The following PEPD variants were observed in gnomAD, a reference collection of about 807,000 sequenced individuals.
The protein encoded by PEPD is xaa-Pro dipeptidase.
A neutral mutation model predicts 60.7 loss-of-function variants in PEPD; 53 were observed. The ratio of observed to expected loss-of-function variants is 0.87; its 90% confidence interval spans 0.70 to 1.10. The LOEUF (loss-of-function observed/expected upper bound fraction) is 1.10. Among genes scored for constraint, PEPD ranks in the 50% least tolerant of loss-of-function variants. The probability of loss-of-function intolerance (pLI) is 0.00; values close to 1 mark genes in which losing one functional copy is unlikely to be tolerated. For missense variants in PEPD, 711 were observed against 711.9 expected (o/e 1.00, Z 0.01); for synonymous variants, 267 against 284.1 (o/e 0.94, Z 0.60).
At chr19:33,396,085 C>T (rs1968352277) in intron 12 of PEPD, 1 of 152,462 alleles carries the variant, frequency 6.6e-6, no homozygotes, top group Non-Finnish European at 1.5e-5. Context: ...AAGGAACTGG[C>T]TCACCATTGC....
chr19:33,496,214 C>A (rs956633949), intron 4 of PEPD, among the ~76,000 whole-genome samples: 5 of 152,100 alleles, frequency 3.3e-5, no homozygotes, highest in African/African-American at 1.2e-4. Flanking sequence ...TATCTGCTAT[C>A]GTCTTGGGAG....
At chr19:33,436,223 AGAGGGAGAG>A (rs1378830561) in intron 9 of PEPD, among the ~76,000 whole-genome samples, 1 of 151,362 alleles carries the variant, frequency 6.6e-6, no homozygotes, top group African/African-American at 2.4e-5. Flanking sequence ...AGGGAGAGGG[AGAGGGAGAG>A]GAGGGAGAGA....
rs577733369 is a variant in PEPD, at chr19:33,391,403, G to A, written c.1044C>T (p.Ser348=). Residue 348 remains serine, a synonymous_variant, in exon 13 of 15, where the codon AGC becomes AGT. Transcript: ENST00000244137. ...LEELAHMGIL[S]GSVDAMVQAH... is the part of the protein sequence containing the mutation. Reference sequence around the variant, plus strand: ...CCTGGACCATGGCGTCCACGCTGCCGCTCAGGATGCCCATGTGGGCCAGCT... The same window carrying A: ...CCTGGACCATGGCGTCCACGCTGCCACTCAGGATGCCCATGTGGGCCAGCT... The A allele has an allele frequency of 2.8e-5, 45 of 1,584,188 alleles. No homozygotes were observed. The East Asian group carries it at 7.6e-4, about 27-fold the overall frequency.
intron 7 of PEPD, among the ~76,000 whole-genome samples, chr19:33,467,664 G>A (rs1469053194): frequency 3.9e-5 from 6 of 152,162 alleles, no homozygotes; most frequent in Non-Finnish European, 5.9e-5. Flanking sequence ...ATGGGTGGAG[G>A]TGACAGAAAT....
chr19:33,500,312 C>T (rs1339986283), intron 4 of PEPD, among the ~76,000 whole-genome samples: 1 of 152,226 alleles, frequency 6.6e-6, no homozygotes, highest in Non-Finnish European at 1.5e-5. Context: ...CAGCTGTGCT[C>T]TCGCCTCTGT....
intron 6 of PEPD, among the ~76,000 whole-genome samples, chr19:33,480,213 G>C (rs1210870371): frequency 6.6e-6 from 1 of 152,162 alleles, no homozygotes; most frequent in Non-Finnish European, 1.5e-5. Flanking sequence ...GAAACGATAT[G>C]CTACACAAAC....
At chr19:33,413,429 C>T (rs1227203716) in intron 10 of PEPD, 146 bp downstream of exon 10, 17 of 642,312 alleles carry the variant, frequency 2.6e-5, no homozygotes, top group African/African-American at 7.1e-5. Flanking sequence ...GAGGGAGGAG[C>T]GACTTCCAAG....
chr19:33,391,811 T>A (rs1025514406), intron 12 of PEPD, among the ~76,000 whole-genome samples: 2 of 152,166 alleles, frequency 1.3e-5, no homozygotes, highest in African/African-American at 4.8e-5. Flanking sequence ...AGCCTATGCT[T>A]CTGGGCCCAG....
rs994385261 is a variant in PEPD, at chr19:33,405,722, C to T, written c.819-3853G>A. 2.0e-5 allele frequency among the ~76,000 whole-genome samples: 3 copies of T among 152,372 alleles called. No individual in the cohort carries two copies. In the East Asian group the frequency reaches 5.8e-4, roughly 29 times the overall value. ...TGGCCAGCAGGGACAAAGGCCACCA[C>T]TCGGAGTCCCTGAGGCTCCCCGTGC... On this transcript the variant is annotated intron_variant, in intron 11 of 14. Transcript: ENST00000244137.
intron 9 of PEPD, among the ~76,000 whole-genome samples, chr19:33,449,225 C>A (rs1451345168): frequency 6.6e-6 from 1 of 152,244 alleles, no homozygotes; most frequent in East Asian, 1.9e-4. Flanking sequence ...GCCCCCTCCT[C>A]AGCTCCTCTG....
chr19:33,518,295 G>A (rs778318792), intron 1 of PEPD, among the ~76,000 whole-genome samples: 1 of 152,156 alleles, frequency 6.6e-6, no homozygotes, highest in African/African-American at 2.4e-5. Flanking sequence ...AAGGCACAGG[G>A]ATACTCAGTG....
chr19:33,453,320 AT>A (rs1295525248), intron 9 of PEPD, among the ~76,000 whole-genome samples: 9 of 150,010 alleles, frequency 6.0e-5, no homozygotes, highest in South Asian at 2.1e-4. Context: ...TCATAAAAAA[AT>A]AAATAAATAA....
At chr19:33,520,596 G>C (rs1388345205) in intron 1 of PEPD, among the ~76,000 whole-genome samples, 2 of 152,182 alleles carry the variant, frequency 1.3e-5, no homozygotes, top group Non-Finnish European at 2.9e-5. Flanking sequence ...GAATATAGCA[G>C]GTGCCCACAA....
chr19:33,399,273 A>AGCCC (rs1968434633), intron 12 of PEPD, among the ~76,000 whole-genome samples: 1 of 152,198 alleles, frequency 6.6e-6, no homozygotes, highest in African/African-American at 2.4e-5. Context: ...TGAGCCACAG[A>AGCCC]GCCCGGCCTG....
intron 6 of PEPD, among the ~76,000 whole-genome samples, chr19:33,480,079 GT>G (rs1360428432): frequency 2.0e-5 from 3 of 152,092 alleles, no homozygotes; most frequent in African/African-American, 7.2e-5. Flanking sequence ...GCCAGCATCT[GT>G]TACTTTTTGA....
chr19:33,412,882 G>A (rs750113539), intron 10 of PEPD, among the ~76,000 whole-genome samples: 33 of 152,200 alleles, frequency 2.2e-4, no homozygotes, highest in Non-Finnish European at 3.8e-4. Flanking sequence ...CAGCCAGGAC[G>A]CATGTGGGGG....
At chr19:33,443,530 T>C (rs1969524920) in intron 9 of PEPD, among the ~76,000 whole-genome samples, 1 of 152,248 alleles carries the variant, frequency 6.6e-6, no homozygotes, top group Admixed American at 6.5e-5. Context: ...ATGAACATAA[T>C]TGCCATGTAC....
At chr19:33,436,453 C>T (rs1032170786) in intron 9 of PEPD, among the ~76,000 whole-genome samples, 4 of 152,190 alleles carry the variant, frequency 2.6e-5, no homozygotes, top group African/African-American at 9.6e-5. Flanking sequence ...GGCTCCAGTC[C>T]TGCCTGGGCT....
intron 6 of PEPD, among the ~76,000 whole-genome samples, chr19:33,479,706 A>G (rs1004224067): frequency 1.3e-5 from 2 of 152,200 alleles, no homozygotes; most frequent in African/African-American, 4.8e-5. Context: ...TTTGCTGAGG[A>G]TAACAGCCTC....
Sources: allele counts gnomAD v4.1 joint callset (sites outside exome capture counted in the v4.1 genomes callset), GRCh38; gene constraint gnomAD v4.1.1; transcripts MANE v1.5; gene names NCBI Gene and HGNC (gene_info 2026-07-23, HGNC 2026-07-21).